Variants in SHISA9 observed in about 807,000 individuals in gnomAD.
SHISA9 encodes the protein shisa family member 9.
A neutral mutation model predicts 38.0 loss-of-function variants in SHISA9; 13 were observed. The observed-to-expected ratio is 0.34, with a 90% CI of 0.22 to 0.54. The LOEUF is 0.54. SHISA9 is among the 20% of genes least tolerant of loss of function. The pLI is 0.91. For missense variants in SHISA9, 538 were observed against 575.8 expected, an observed-to-expected ratio of 0.93 and a Z score of 0.67; for synonymous variants, 275 against 242.0, an observed-to-expected ratio of 1.14 and a Z score of -1.27.
At chr16:13,262,514 G>A in the SHISA9 span, among the ~76,000 whole-genome samples, 3 of 152,144 alleles carry the variant, frequency 2.0e-5, no homozygotes, top group Admixed American at 1.3e-4. Flanking sequence ...TAGCCTGGAG[G>A]ATCTTTTAAG....
chr16:13,193,183 C>T (rs968421643), intron 2 of SHISA9, among the ~76,000 whole-genome samples: 2 of 152,110 alleles, frequency 1.3e-5, no homozygotes, highest in African/African-American at 2.4e-5. Context: ...TTAGTTTTGC[C>T]AACAGACAAC....
chr16:13,455,068 T>C, the SHISA9 span, among the ~76,000 whole-genome samples: 1 of 152,320 alleles, frequency 6.6e-6, no homozygotes, highest in Admixed American at 6.5e-5. Context: ...TTTTAGTTTA[T>C]TCAATTTCTA....
At chr16:13,220,080 C>A (rs910904160) in intron 4 of SHISA9, among the ~76,000 whole-genome samples, 1 of 152,172 alleles carries the variant, frequency 6.6e-6, no homozygotes, top group African/African-American at 2.4e-5. Context: ...AATAACACTG[C>A]GTAACAAATA....
the SHISA9 span, among the ~76,000 whole-genome samples, chr16:13,477,044 T>C: frequency 6.6e-6 from 1 of 152,202 alleles, no homozygotes; most frequent in Admixed American, 6.5e-5. Context: ...GCGCCCAGCC[T>C]TTTTTTCTTT....
At chr16:12,952,122 T>C (rs749030417) in intron 2 of SHISA9, among the ~76,000 whole-genome samples, 2 of 152,232 alleles carry the variant, frequency 1.3e-5, no homozygotes, top group Non-Finnish European at 2.9e-5. Flanking sequence ...AATTTTTCAA[T>C]TGAGAGCAAT....
chr16:13,346,514 G>T, the SHISA9 span, among the ~76,000 whole-genome samples: 8 of 152,098 alleles, frequency 5.3e-5, no homozygotes, highest in Non-Finnish European at 1.0e-4. Flanking sequence ...AGCTACTATT[G>T]ACCCTTGTTG....
the SHISA9 span, among the ~76,000 whole-genome samples, chr16:13,349,177 C>T: frequency 6.6e-6 from 1 of 152,178 alleles, no homozygotes; most frequent in South Asian, 2.1e-4. Context: ...TCCCTTTGTT[C>T]TCTTAATTCC....
chr16:13,395,279 C>T, the SHISA9 span, among the ~76,000 whole-genome samples: 1,659 of 152,232 alleles, frequency 0.011, 42 homozygotes, highest in African/African-American at 0.039. Flanking sequence ...CTTCAGGAAC[C>T]GTGCAGACTT....
At chr16:13,277,932 G>A in the SHISA9 span, among the ~76,000 whole-genome samples, 1 of 151,920 alleles carries the variant, frequency 6.6e-6, no homozygotes, top group Non-Finnish European at 1.5e-5. Context: ...TAATGTTCTG[G>A]CTAAGATGTC....
chr16:13,019,940 T>C (rs1204999900), intron 2 of SHISA9, among the ~76,000 whole-genome samples: 1,416 of 77,632 alleles, frequency 0.018, 74 homozygotes, highest in Non-Finnish European at 0.033. Context: ...TCTTTCTTTC[T>C]TTCTTTCTTT....
chr16:13,476,199 C>T, the SHISA9 span, among the ~76,000 whole-genome samples: 1 of 152,218 alleles, frequency 6.6e-6, no homozygotes, highest in Admixed American at 6.5e-5. Context: ...AAAGGATCCC[C>T]ACTCCCCTGC....
chr16:13,148,253 A>T (rs1460562641), intron 2 of SHISA9, among the ~76,000 whole-genome samples: 1 of 152,080 alleles, frequency 6.6e-6, no homozygotes. Flanking sequence ...ACACAAACAC[A>T]TATTCCCCAC....
At chr16:13,540,083 A>G in the SHISA9 span, among the ~76,000 whole-genome samples, 1 of 152,148 alleles carries the variant, frequency 6.6e-6, no homozygotes, top group Admixed American at 6.6e-5. Context: ...GTCTGCCTTC[A>G]TGACAAAGAC....
the SHISA9 span, among the ~76,000 whole-genome samples, chr16:13,286,856 A>G: frequency 8.5e-5 from 13 of 152,328 alleles, no homozygotes; most frequent in South Asian, 2.5e-3. Flanking sequence ...CCAGTAAATG[A>G]GATGAAGCTG....
chr16:12,972,393 G>A (rs947945470), intron 2 of SHISA9, among the ~76,000 whole-genome samples: 2 of 152,130 alleles, frequency 1.3e-5, no homozygotes, highest in African/African-American at 4.8e-5. Flanking sequence ...CTGTGGGTTG[G>A]GTCATCTTCC....
chr16:12,922,895 A>G (rs2071345625), intron 2 of SHISA9, among the ~76,000 whole-genome samples: 1 of 152,140 alleles, frequency 6.6e-6, no homozygotes, highest in African/African-American at 2.4e-5. Context: ...TTCTACTACA[A>G]TGTAAGCTGC....
chr16:13,137,954 G>C (rs1360258285), intron 2 of SHISA9, among the ~76,000 whole-genome samples: 1 of 152,086 alleles, frequency 6.6e-6, no homozygotes, highest in Admixed American at 6.6e-5. Flanking sequence ...GATTCCCAAG[G>C]ATGCTGCATC....
At chr16:12,906,996 A>C (rs914029693) in intron 1 of SHISA9, among the ~76,000 whole-genome samples, 1 of 151,618 alleles carries the variant, frequency 6.6e-6, no homozygotes, top group African/African-American at 2.4e-5. Context: ...TTGCTCACAC[A>C]CTCTTTCCAT....
chr16:13,405,907 C>G, the SHISA9 span, among the ~76,000 whole-genome samples: 1 of 144,942 alleles, frequency 6.9e-6, no homozygotes, highest in Admixed American at 7.1e-5. Context: ...CATGTCTTTG[C>G]TATTGAATAT....
Sources: gnomAD v4.1 joint callset for allele counts (sites outside exome capture counted in the v4.1 genomes callset) on GRCh38, gnomAD v4.1.1 for gene constraint, MANE v1.5 for transcripts, NCBI Gene and HGNC (gene_info 2026-07-23, HGNC 2026-07-21) for gene names.